The following MCC variants were observed in gnomAD, a reference collection of about 807,000 sequenced individuals.
MCC encodes the protein colorectal mutant cancer protein.
MCC carries 90 observed loss-of-function variants against 116.2 expected under a neutral mutation model. The ratio of observed to expected loss-of-function variants is 0.77; its 90% CI spans 0.65 to 0.92. The LOEUF (loss-of-function observed/expected upper bound fraction) is 0.92, where lower values mean the gene tolerates loss of function less well. Ranked by LOEUF, MCC falls within the 40% of genes least tolerant of loss-of-function variation. The pLI is 0.00. For synonymous variants in MCC, 578 were observed against 510.5 expected (o/e 1.13, Z -1.78); for missense variants, 1,516 against 1,312.2 (o/e 1.16, Z -2.40).
chr5:113,345,584 G>A (rs1036372956), intron 2 of MCC, among the ~76,000 whole-genome samples: 4 of 152,246 alleles, frequency 2.6e-5, no homozygotes, highest in Non-Finnish European at 4.4e-5. Flanking sequence ...GGCTTCGTAT[G>A]TTTGGGAGAA....
chr5:113,374,850 G>T (rs1768941612), intron 2 of MCC, among the ~76,000 whole-genome samples: 1 of 151,892 alleles, frequency 6.6e-6, no homozygotes, highest in Admixed American at 6.6e-5. Context: ...AATTAGCTGG[G>T]GCATGGTGGT....
chr5:113,156,519 T>C (rs1760179926), intron 3 of MCC, among the ~76,000 whole-genome samples: 1 of 152,180 alleles, frequency 6.6e-6, no homozygotes, highest in Admixed American at 6.5e-5. Context: ...CGTTATCACC[T>C]GGTAGATAGC....
intron 3 of MCC, among the ~76,000 whole-genome samples, chr5:113,205,586 C>T (rs1352236907): frequency 1.3e-5 from 2 of 152,190 alleles, no homozygotes; most frequent in Admixed American, 6.5e-5. Context: ...ACAAAACTGA[C>T]GATGCTATCA....
chr5:113,187,661 G>A (rs577552825), intron 3 of MCC, among the ~76,000 whole-genome samples: 20 of 151,418 alleles, frequency 1.3e-4, no homozygotes, highest in Non-Finnish European at 2.8e-4. Context: ...AGGCTGAGGC[G>A]AGAGAATGGC....
intron 7 of MCC, 105 bp from the exon 8 acceptor site, chr5:113,102,050 C>A (rs773029638): frequency 8.7e-5 from 93 of 1,070,580 alleles, no homozygotes; most frequent in Non-Finnish European, 1.2e-4. Context: ...GGAGTGTGTT[C>A]TAGAACCACT....
intron 3 of MCC, among the ~76,000 whole-genome samples, chr5:113,154,255 C>A (rs910854084): frequency 1.3e-5 from 2 of 152,200 alleles, no homozygotes; most frequent in African/African-American, 4.8e-5. Flanking sequence ...TGCTTCCTTG[C>A]TGCAGTCTGT....
chr5:113,459,046 G>C (rs184241508), intron 1 of MCC, among the ~76,000 whole-genome samples: 250 of 151,970 alleles, frequency 1.6e-3, no homozygotes, highest in African/African-American at 5.6e-3. Context: ...GCTCACTGAA[G>C]AAGAGGTCCA....
chr5:113,207,333 G>A (rs1041813904), intron 3 of MCC, among the ~76,000 whole-genome samples: 1 of 152,032 alleles, frequency 6.6e-6, no homozygotes, highest in Non-Finnish European at 1.5e-5. Context: ...CACAGAGTCT[G>A]GTTCATGGTA....
chr5:113,201,191 G>T lies in MCC; in HGVS notation c.628-49769C>A, dbSNP rs189123344. 5.2e-4 allele frequency among the ~76,000 whole-genome samples: 79 copies of T among 152,150 alleles called. 1 individual carries two copies. The East Asian group carries it at 0.01, about 20-fold the overall frequency. On this transcript the variant is annotated intron_variant, in intron 3 of 18. Transcript: ENST00000408903. The stretch of plus-strand genomic sequence containing the variant: ...ACCTGAGGTCGGGAATTTGGGACCA[G>T]TCTGACCAACACGGAGAAACCCCAT...
chr5:113,219,744 A>T (rs1307741993), intron 3 of MCC, among the ~76,000 whole-genome samples: 2 of 152,162 alleles, frequency 1.3e-5, no homozygotes, highest in East Asian at 3.9e-4. Flanking sequence ...GCTAAATTTC[A>T]TGTCCCTCAA....
intron 1 of MCC, among the ~76,000 whole-genome samples, chr5:113,441,894 T>C (rs539740003): frequency 2.0e-5 from 3 of 152,204 alleles, no homozygotes; most frequent in Admixed American, 6.5e-5. Context: ...CAGTCTATCA[T>C]TGGTGGACAT....
chr5:113,138,665 G>A (rs1381494940), intron 5 of MCC, among the ~76,000 whole-genome samples: 1 of 152,174 alleles, frequency 6.6e-6, no homozygotes, highest in Non-Finnish European at 1.5e-5. Flanking sequence ...CAAGCTGACT[G>A]ATATGCCTTC....
intron 3 of MCC, among the ~76,000 whole-genome samples, chr5:113,303,925 G>C (rs1766922125): frequency 6.6e-6 from 1 of 152,206 alleles, no homozygotes; most frequent in Non-Finnish European, 1.5e-5. Flanking sequence ...AAAGTGCTAG[G>C]TTTTCAGGCT....
At chr5:113,045,448 G>T (rs749000535) in intron 16 of MCC, among the ~76,000 whole-genome samples, 28 of 152,256 alleles carry the variant, frequency 1.8e-4, no homozygotes, top group Non-Finnish European at 3.8e-4. Flanking sequence ...GTCAAAAGAA[G>T]AGTATTCTGT....
At chr5:113,483,618 T>C (rs942180556) in intron 1 of MCC, among the ~76,000 whole-genome samples, 1 of 152,178 alleles carries the variant, frequency 6.6e-6, no homozygotes, top group African/African-American at 2.4e-5. Context: ...AAAAAATATC[T>C]TTAATAAAAT....
chr5:113,454,302 AC>A (rs1464353702), intron 1 of MCC, among the ~76,000 whole-genome samples: 7 of 152,064 alleles, frequency 4.6e-5, no homozygotes, highest in African/African-American at 1.4e-4. Context: ...ACAGGGTCTT[AC>A]TTTGTTGCCC....
chr5:113,061,322 T>C (rs1299667392), intron 14 of MCC, among the ~76,000 whole-genome samples: 1 of 152,184 alleles, frequency 6.6e-6, no homozygotes, highest in African/African-American at 2.4e-5. Flanking sequence ...ACAGTTCCTT[T>C]GTGGATTGAG....
At chr5:113,365,738 C>A (rs1768670973) in intron 2 of MCC, among the ~76,000 whole-genome samples, 2 of 152,194 alleles carry the variant, frequency 1.3e-5, no homozygotes, top group Admixed American at 1.3e-4. Context: ...ATGATGCTGG[C>A]ATCTGCTCAG....
At chr5:113,218,117 C>G (rs1763394350) in intron 3 of MCC, among the ~76,000 whole-genome samples, 1 of 12,578 alleles carries the variant, frequency 8.0e-5, no homozygotes. Context: ...AGGTGGGAAA[C>G]TGGGGGGAGT....
Sources: gnomAD v4.1 joint callset for allele counts (sites outside exome capture counted in the v4.1 genomes callset) on GRCh38, gnomAD v4.1.1 for gene constraint, MANE v1.5 for transcripts, NCBI Gene and HGNC (gene_info 2026-07-23, HGNC 2026-07-21) for gene names.